RASA2: variants seen among roughly 807,000 people sequenced by gnomAD.
The protein encoded by RASA2 is RAS p21 protein activator 2.
A neutral mutation model predicts 118.2 loss-of-function variants in RASA2; 155 were observed. That is an observed-to-expected ratio of 1.31 (90% CI 1.15 to 1.50). RASA2 has a LOEUF of 1.50. RASA2 is among the 40% of genes most tolerant of loss of function. The pLI, the probability that RASA2 is intolerant of heterozygous loss-of-function variation, is 0.00. For synonymous variants in RASA2, 353 were observed against 349.1 expected, an observed-to-expected ratio of 1.01 and a Z score of -0.12; for missense variants, 1,016 against 1,009.6, an observed-to-expected ratio of 1.01 and a Z score of -0.09.
At chr3:141,584,617 TTA>T (rs1023588148) in intron 17 of RASA2, among the ~76,000 whole-genome samples, 2 of 152,204 alleles carry the variant, frequency 1.3e-5, no homozygotes, top group African/African-American at 4.8e-5. Flanking sequence ...CTAAAGTCAG[TTA>T]TATATGATAG....
intron 1 of RASA2, among the ~76,000 whole-genome samples, chr3:141,501,065 AC>A (rs2081771974): frequency 6.6e-6 from 1 of 152,162 alleles, no homozygotes; most frequent in South Asian, 2.1e-4. Context: ...TTAAAGAGAA[AC>A]CAGAAATACA....
chr3:141,496,845 G>C (rs889304692), intron 1 of RASA2, among the ~76,000 whole-genome samples: 1 of 152,148 alleles, frequency 6.6e-6, no homozygotes, highest in Non-Finnish European at 1.5e-5. Flanking sequence ...AAATCATGCT[G>C]CTACAAAGAC....
chr3:141,555,709 A>G (rs2082639300), intron 6 of RASA2, 131 bp from the exon 7 acceptor site: 3 of 695,056 alleles, frequency 4.3e-6, no homozygotes, highest in Non-Finnish European at 4.8e-6. Context: ...TCCAAGCAAT[A>G]TTTAAAACTG....
chr3:141,528,606 T>C (rs2082215644), intron 3 of RASA2, among the ~76,000 whole-genome samples: 2 of 151,868 alleles, frequency 1.3e-5, no homozygotes, highest in Admixed American at 6.6e-5. Flanking sequence ...AAAAAGTGTA[T>C]GGTGTGGTGG....
At chr3:141,533,446 G>A (rs2151096977) in intron 4 of RASA2, among the ~76,000 whole-genome samples, 1 of 152,306 alleles carries the variant, frequency 6.6e-6, no homozygotes, top group Non-Finnish European at 1.5e-5. Flanking sequence ...TCTATGAAAT[G>A]ATAATGTCAG....
At chr3:141,553,729 G>A in intron 5 of RASA2, 128 bp from the exon 6 acceptor site, 1 of 1,446,358 alleles carries the variant, frequency 6.9e-7, no homozygotes, top group East Asian at 2.4e-5. Context: ...GTAGTATATA[G>A]CCATACAACT....
At chr3:141,534,785 A>C (rs2082305546) in intron 4 of RASA2, among the ~76,000 whole-genome samples, 1 of 152,158 alleles carries the variant, frequency 6.6e-6, no homozygotes, top group Non-Finnish European at 1.5e-5. Flanking sequence ...ATGTGAATTA[A>C]TAATGAGCCA....
chr3:141,557,122 C>G (rs761416572), intron 7 of RASA2, among the ~76,000 whole-genome samples: 7 of 152,162 alleles, frequency 4.6e-5, no homozygotes, highest in Non-Finnish European at 7.3e-5. Flanking sequence ...TGGATCCTTA[C>G]AGTCAGCAGA....
intron 3 of RASA2, among the ~76,000 whole-genome samples, chr3:141,517,810 C>G (rs995602014): frequency 6.6e-6 from 1 of 152,082 alleles, no homozygotes; most frequent in Admixed American, 6.5e-5. Flanking sequence ...CCCACCACCA[C>G]GCCCGACTAA....
At chr3:141,501,063 A>G (rs924549614) in intron 1 of RASA2, among the ~76,000 whole-genome samples, 1 of 152,194 alleles carries the variant, frequency 6.6e-6, no homozygotes, top group Non-Finnish European at 1.5e-5. Context: ...TATTAAAGAG[A>G]AACCAGAAAT....
In RASA2 at chr3:141,502,196, T is replaced by C. The variant is rs139971063; in HGVS notation, c.134-9967T>C. Among the ~76,000 whole-genome samples the C allele has an allele frequency of 7.3e-3, 1,109 of 152,320 alleles. 8 individuals are homozygous for C. The highest frequency in any genetic ancestry group is 0.025 in the African/African-American group (1,045 of 41,568). ...CAGATAAGGGATATTCGATCTGTATTAGAACATTATGTCCTGAGTCATTCA... is the reference window on the plus strand; with the variant it reads ...CAGATAAGGGATATTCGATCTGTATCAGAACATTATGTCCTGAGTCATTCA... On this transcript the variant is annotated intron_variant, in intron 1 of 23. Coordinates refer to ENST00000286364, the MANE Select transcript of RASA2 (RefSeq NM_006506.5).
At chr3:141,541,578 A>G (rs184630266) in intron 5 of RASA2, among the ~76,000 whole-genome samples, 190 of 152,204 alleles carry the variant, frequency 1.2e-3, no homozygotes, top group Admixed American at 2.0e-3. Context: ...ACATTGTTAC[A>G]ATACTTTTTA....
chr3:141,530,989 G>A (rs1193656024), intron 4 of RASA2, among the ~76,000 whole-genome samples: 1 of 152,060 alleles, frequency 6.6e-6, no homozygotes, highest in Non-Finnish European at 1.5e-5. Flanking sequence ...GGGAATAAAA[G>A]TTGCTGTGTT....
chr3:141,491,360 G>A (rs776947354), intron 1 of RASA2, among the ~76,000 whole-genome samples: 1 of 152,170 alleles, frequency 6.6e-6, no homozygotes. Context: ...TGCTGCTGGG[G>A]AACACAATTC....
chr3:141,524,608 T>TG (rs35787900), intron 3 of RASA2, among the ~76,000 whole-genome samples: 4 of 152,074 alleles, frequency 2.6e-5, no homozygotes, highest in African/African-American at 7.2e-5. Flanking sequence ...TTTTTTGAGA[T>TG]GGAGTCTTGC....
chr3:141,574,283 G>A (rs1425299282), intron 14 of RASA2, among the ~76,000 whole-genome samples: 3 of 151,876 alleles, frequency 2.0e-5, no homozygotes, highest in East Asian at 1.9e-4. Context: ...TCCATCTCCC[G>A]GGTTCATGCC....
intron 13 of RASA2, among the ~76,000 whole-genome samples, chr3:141,573,549 AG>A (rs201808003): frequency 0.01 from 1,526 of 152,332 alleles, 40 homozygotes; most frequent in African/African-American, 0.035. Context: ...TGACTTTATC[AG>A]TCAGTAGTTT....
At chr3:141,502,554 ACT>A in intron 1 of RASA2, among the ~76,000 whole-genome samples, 1 of 152,190 alleles carries the variant, frequency 6.6e-6, no homozygotes, top group African/African-American at 2.4e-5. Context: ...ACCCTCCAGA[ACT>A]TGTTCATGTT....
chr3:141,529,937 T>C (rs907713018), intron 4 of RASA2, 135 bp downstream of exon 4: 1 of 662,792 alleles, frequency 1.5e-6, no homozygotes. Flanking sequence ...TATAGACTTT[T>C]GGGTAATATA....
Sources: allele counts gnomAD v4.1 joint callset (sites outside exome capture counted in the v4.1 genomes callset), GRCh38; gene constraint gnomAD v4.1.1; transcripts MANE v1.5; gene names NCBI Gene and HGNC (gene_info 2026-07-23, HGNC 2026-07-21).